METTL15: variants seen among roughly 807,000 people sequenced by gnomAD.
METTL15 encodes methyltransferase 15, mitochondrial 12S rRNA N4-cytidine.
METTL15 carries 34 observed loss-of-function variants against 38.3 expected under a neutral mutation model. That is an observed-to-expected ratio of 0.89 (90% CI 0.68 to 1.18). The LOEUF (loss-of-function observed/expected upper bound fraction) is 1.18, where lower values mean the gene tolerates loss of function less well. METTL15 is among the 50% of genes most tolerant of loss of function. METTL15 has a pLI of 0.00. For missense variants in METTL15, 438 were observed against 498.4 expected (o/e 0.88, Z 1.15); for synonymous variants, 162 against 170.9 (o/e 0.95, Z 0.41).
chr11:28,301,099 C>T (rs1463564620), intron 6 of METTL15, among the ~76,000 whole-genome samples: 1 of 152,104 alleles, frequency 6.6e-6, no homozygotes, highest in Non-Finnish European at 1.5e-5. Context: ...ACATGGTTTG[C>T]AACTTCCTCC....
At chr11:28,142,148 T>C (rs1429187914) in intron 3 of METTL15, among the ~76,000 whole-genome samples, 1 of 152,220 alleles carries the variant, frequency 6.6e-6, no homozygotes, top group Non-Finnish European at 1.5e-5. Context: ...TTAAAGATGT[T>C]AATTGACTTT....
At chr11:28,201,906 G>A (rs1028242729) in intron 3 of METTL15, among the ~76,000 whole-genome samples, 2 of 152,114 alleles carry the variant, frequency 1.3e-5, no homozygotes, top group African/African-American at 4.8e-5. Flanking sequence ...CACATATTCT[G>A]TATGGCTAGA....
At chr11:28,527,822 A>G (rs1851822432), downstream of METTL15, among the ~76,000 whole-genome samples, 1 of 152,250 alleles carries the variant, frequency 6.6e-6, no homozygotes, top group Non-Finnish European at 1.5e-5. Context: ...CATTACTGTT[A>G]TTTAATAGAG....
intron 4 of METTL15, among the ~76,000 whole-genome samples, chr11:28,223,784 T>C (rs1437507510): frequency 1.3e-5 from 2 of 152,128 alleles, no homozygotes; most frequent in African/African-American, 2.4e-5. Context: ...GTTTGAAGAC[T>C]GAAACTTTTT....
intron 4 of METTL15, among the ~76,000 whole-genome samples, chr11:28,255,661 A>G (rs1349365159): frequency 2.0e-5 from 3 of 152,220 alleles, no homozygotes; most frequent in East Asian, 1.9e-4. Flanking sequence ...TTATAAAGGT[A>G]TATTGAATTG....
At chr11:28,529,457 C>T (rs899284239), downstream of METTL15, among the ~76,000 whole-genome samples, 7 of 152,006 alleles carry the variant, frequency 4.6e-5, no homozygotes, top group African/African-American at 1.7e-4. Context: ...CATACACCCA[C>T]TTTTTAAAGA....
intron 6 of METTL15, among the ~76,000 whole-genome samples, chr11:28,460,790 G>T (rs1283583166): frequency 1.3e-5 from 2 of 151,986 alleles, no homozygotes; most frequent in Non-Finnish European, 2.9e-5. Context: ...AGATTTTCCT[G>T]GAAGACAAAG....
chr11:28,312,418 G>C (rs1857336255), intron 6 of METTL15, among the ~76,000 whole-genome samples: 1 of 152,170 alleles, frequency 6.6e-6, no homozygotes, highest in African/African-American at 2.4e-5. Flanking sequence ...GGCTTCAGCT[G>C]TCTATCTCAG....
chr11:28,269,854 T>C (rs1421972312), intron 4 of METTL15, among the ~76,000 whole-genome samples: 1 of 152,228 alleles, frequency 6.6e-6, no homozygotes, highest in Admixed American at 6.5e-5. Context: ...TACATGCTGA[T>C]CTCTGCCAGT....
At chr11:28,270,501 T>C (rs1274827627) in intron 4 of METTL15, among the ~76,000 whole-genome samples, 2 of 152,118 alleles carry the variant, frequency 1.3e-5, no homozygotes, top group Non-Finnish European at 2.9e-5. Flanking sequence ...TCCAGAACAT[T>C]GTAATATTAT....
intron 5 of METTL15, among the ~76,000 whole-genome samples, chr11:28,381,191 G>A (rs960049127): frequency 6.6e-6 from 1 of 152,032 alleles, no homozygotes; most frequent in African/African-American, 2.4e-5. Context: ...TACGGATGGG[G>A]TCTTGTTATG....
At chr11:28,452,542 G>A (rs1851132046) in intron 6 of METTL15, among the ~76,000 whole-genome samples, 1 of 152,126 alleles carries the variant, frequency 6.6e-6, no homozygotes, top group African/African-American at 2.4e-5. Flanking sequence ...GGTGATGTTT[G>A]CAGACATAAG....
intron 5 of METTL15, among the ~76,000 whole-genome samples, chr11:28,291,619 T>C (rs1401242309): frequency 6.6e-6 from 1 of 152,150 alleles, no homozygotes; most frequent in Non-Finnish European, 1.5e-5. Flanking sequence ...ATACCTTCTT[T>C]TGCACATGTT....
chr11:28,242,281 C>A (rs1565196109), intron 4 of METTL15, among the ~76,000 whole-genome samples: 1 of 152,154 alleles, frequency 6.6e-6, no homozygotes, highest in African/African-American at 2.4e-5. Flanking sequence ...TCCTCTCATG[C>A]TCCATCTCTA....
intron 4 of METTL15, among the ~76,000 whole-genome samples, chr11:28,283,821 A>T (rs1856149805): frequency 6.6e-6 from 1 of 152,188 alleles, no homozygotes; most frequent in Non-Finnish European, 1.5e-5. Context: ...TTCTACTTAC[A>T]TCCTGGAGAA....
At chr11:28,180,098 T>A (rs1851228601) in intron 3 of METTL15, among the ~76,000 whole-genome samples, 1 of 151,852 alleles carries the variant, frequency 6.6e-6, no homozygotes, top group Non-Finnish European at 1.5e-5. Context: ...ATAATCCTAC[T>A]CAGTTGTTAA....
chr11:28,189,019 G>C (rs979946569), intron 3 of METTL15, among the ~76,000 whole-genome samples: 3 of 151,152 alleles, frequency 2.0e-5, no homozygotes, highest in Non-Finnish European at 4.5e-5. Flanking sequence ...GTGTGATGTA[G>C]GTGTGTAGCT....
intron 6 of METTL15, among the ~76,000 whole-genome samples, chr11:28,484,292 A>C (rs543749078): frequency 2.0e-5 from 3 of 152,208 alleles, no homozygotes; most frequent in Non-Finnish European, 4.4e-5. Flanking sequence ...GCCCAAGATA[A>C]CATAGCTCTA....
chr11:28,350,428 C>G (rs548837480), intron 3 of METTL15, among the ~76,000 whole-genome samples: 1 of 152,172 alleles, frequency 6.6e-6, no homozygotes, highest in South Asian at 2.1e-4. Flanking sequence ...CTGGCATTAA[C>G]AAAACAAAAA....
Sources: gnomAD v4.1 joint callset for allele counts (sites outside exome capture counted in the v4.1 genomes callset) on GRCh38, gnomAD v4.1.1 for gene constraint, MANE v1.5 for transcripts, NCBI Gene and HGNC (gene_info 2026-07-23, HGNC 2026-07-21) for gene names.